The following UNC79 variants were observed in gnomAD, a reference collection of about 807,000 sequenced individuals.
The protein encoded by UNC79 is unc-79 subunit of NALCN channel complex.
UNC79 carries 37 observed loss-of-function variants against 283.1 expected under a neutral mutation model. The observed-to-expected ratio is 0.13, with a 90% CI of 0.10 to 0.17. The LOEUF is 0.17. Ranked by LOEUF, UNC79 falls within the 10% of genes least tolerant of loss-of-function variation. The pLI is 1.00. For synonymous variants in UNC79, 1,107 were observed against 1,200.2 expected (o/e 0.92, Z 1.61); for missense variants, 2,272 against 3,211.1 (o/e 0.71, Z 7.07).
At chr14:93,683,969 T>A (rs1053555174) in intron 42 of UNC79, among the ~76,000 whole-genome samples, 5 of 152,194 alleles carry the variant, frequency 3.3e-5, no homozygotes, top group African/African-American at 1.2e-4. Flanking sequence ...TACTGTGATC[T>A]ATGCCATGAA....
chr14:93,558,554 TAAA>T (rs563152046), intron 14 of UNC79, among the ~76,000 whole-genome samples: 31 of 126,390 alleles, frequency 2.5e-4, no homozygotes, highest in African/African-American at 9.1e-4. Flanking sequence ...AGACTCCATT[TAAA>T]AAAAAAAAAA....
intron 31 of UNC79, 84 bp downstream of exon 33, chr14:93,630,992 T>C: frequency 8.2e-7 from 1 of 1,224,348 alleles, no homozygotes; most frequent in Non-Finnish European, 1.2e-6. Flanking sequence ...TTCCCAATCT[T>C]GGTATTGTAT....
intron 4 of UNC79, among the ~76,000 whole-genome samples, chr14:93,478,792 T>C (rs1014789915): frequency 2.0e-5 from 3 of 152,356 alleles, no homozygotes; most frequent in South Asian, 2.1e-4. Context: ...ATTATTCACA[T>C]TTTAATTTTA....
At position 93,497,079 on chromosome 14, in the gene UNC79, G is replaced by A. The variant is rs118053199; in HGVS notation, c.769-78G>A. 1.1e-3 allele frequency: 1,702 copies of A among 1,505,722 alleles called. 3 individuals are homozygous for A. The highest frequency in any genetic ancestry group is 1.2e-3 in the Non-Finnish European group (1,326 of 1,124,640). 93.3% of individuals were successfully genotyped at this position (1,505,722 alleles called of 1,614,324 possible). A position where few individuals can be genotyped will look rare whatever the true frequency, so the allele number is the denominator to read the frequency against. On this transcript the variant is annotated intron_variant, in intron 6 of 48. Coordinates refer to ENST00000555664, the Ensembl canonical transcript of UNC79. ...CAATCCCTCCATTAGAATTTTCACT[G>A]CTTTGGTAATGTTGAAGTCTCTACC... is the stretch of plus-strand genomic sequence containing the variant.
At chr14:93,648,966 C>T (rs767678589) in intron 35 of UNC79, among the ~76,000 whole-genome samples, 9 of 151,950 alleles carry the variant, frequency 5.9e-5, no homozygotes, top group East Asian at 1.9e-4. Flanking sequence ...TGTGTGTGTG[C>T]GTGCGTGTGT....
Position 93,640,445 on chromosome 14 carries a change from A to G in UNC79, c.5801-700A>G, listed in dbSNP as rs576478372. 1.6e-3 allele frequency among the ~76,000 whole-genome samples: 243 copies of G among 152,200 alleles called. 2 individuals carry two copies. Among genetic ancestry groups the G allele is most frequent in the African/African-American group, 5.6e-3 (234 of 41,528 alleles). ...GGATCTTGAGACAAGCCCAGGTAAC[A>G]AGGTGAGACCTTGTCTTTACAAAAA... On this transcript the variant is annotated intron_variant, in intron 32 of 48. Coordinates refer to ENST00000555664, the Ensembl canonical transcript of UNC79.
intron 26 of UNC79, 29 bp downstream of exon 26, chr14:93,603,447 A>G (rs1306396480): frequency 6.2e-7 from 1 of 1,608,320 alleles, no homozygotes; most frequent in Admixed American, 1.7e-5. Flanking sequence ...TCCTTCCGTT[A>G]AATCTGTTTA....
intron 30 of UNC79, among the ~76,000 whole-genome samples, chr14:93,628,852 C>T (rs2067783334): frequency 6.6e-6 from 1 of 152,192 alleles, no homozygotes; most frequent in Non-Finnish European, 1.5e-5. Context: ...TTATTACCGA[C>T]CTTCTTACAG....
intron 32 of UNC79, among the ~76,000 whole-genome samples, chr14:93,638,576 A>G (rs1434097930): frequency 6.6e-6 from 1 of 152,190 alleles, no homozygotes; most frequent in African/African-American, 2.4e-5. Context: ...AAGACTCGCA[A>G]AGGGACTTTT....
intron 1 of UNC79, among the ~76,000 whole-genome samples, chr14:93,406,696 AC>A (rs2055233451): frequency 6.6e-6 from 1 of 152,150 alleles, no homozygotes; most frequent in Non-Finnish European, 1.5e-5. Context: ...CTCAGTACAA[AC>A]TTTTGGGTTC....
chr14:93,497,869 C>T (rs1403463469), intron 7 of UNC79, among the ~76,000 whole-genome samples: 1 of 151,884 alleles, frequency 6.6e-6, no homozygotes, highest in African/African-American at 2.4e-5. Context: ...GACTGTAGTC[C>T]CAGCTACTTG....
chr14:93,396,097 A>G (rs2054990842), intron 1 of UNC79, among the ~76,000 whole-genome samples: 1 of 152,034 alleles, frequency 6.6e-6, no homozygotes, highest in Non-Finnish European at 1.5e-5. Context: ...TGTGTTACAC[A>G]GACTAGACAC....
chr14:93,611,780 T>C (rs2066325560), intron 26 of UNC79, among the ~76,000 whole-genome samples: 1 of 152,098 alleles, frequency 6.6e-6, no homozygotes. Context: ...AGAATGCCAG[T>C]GTGCTGATCT....
At chr14:93,510,225 C>G (rs1567026457) in intron 7 of UNC79, among the ~76,000 whole-genome samples, 1 of 152,344 alleles carries the variant, frequency 6.6e-6, no homozygotes, top group East Asian at 1.9e-4. Flanking sequence ...CCTCCTAGGC[C>G]TTGGGGCCTG....
exon 1 of UNC79, chr14:93,333,256 C>T (rs1256686468): frequency 9.9e-6 from 4 of 402,266 alleles, no homozygotes; most frequent in Non-Finnish European, 1.7e-5. Context: ...CGTCGGGTCG[C>T]TGGGAGTTTG....
intron 1 of UNC79, among the ~76,000 whole-genome samples, chr14:93,383,102 C>G (rs1462656315): frequency 6.6e-6 from 1 of 152,144 alleles, no homozygotes; most frequent in Non-Finnish European, 1.5e-5. Flanking sequence ...GTCATTTGAA[C>G]TGGTCTTGAA....
At chr14:93,400,499 G>A (rs114253876) in intron 1 of UNC79, among the ~76,000 whole-genome samples, 1,945 of 152,238 alleles carry the variant, frequency 0.013, 44 homozygotes, top group African/African-American at 0.045. Flanking sequence ...TTCAGATGAA[G>A]GGGAAAATTC....
chr14:93,403,223 C>T (rs190132920), intron 1 of UNC79, among the ~76,000 whole-genome samples: 1 of 152,288 alleles, frequency 6.6e-6, no homozygotes, highest in Non-Finnish European at 1.5e-5. Flanking sequence ...AGGAAGCAAT[C>T]AGATATGCAT....
intron 1 of UNC79, among the ~76,000 whole-genome samples, chr14:93,457,098 A>G (rs893913334): frequency 2.0e-5 from 3 of 152,250 alleles, no homozygotes; most frequent in Non-Finnish European, 2.9e-5. Flanking sequence ...AAACTAGCCC[A>G]TGAAAGGAAA....
Sources: allele counts gnomAD v4.1 joint callset (sites outside exome capture counted in the v4.1 genomes callset), GRCh38; gene constraint gnomAD v4.1.1; transcripts MANE v1.5; gene names NCBI Gene and HGNC (gene_info 2026-07-23, HGNC 2026-07-21).